The following SVEP1 variants were observed in gnomAD, a reference collection of about 807,000 sequenced individuals.
SVEP1 encodes the protein sushi, von Willebrand factor type A, EGF and pentraxin domain-containing protein 1.
SVEP1 carries 164 observed loss-of-function variants against 367.3 expected under a neutral mutation model. The observed-to-expected ratio is 0.45, with a 90% CI of 0.39 to 0.51. SVEP1 has a LOEUF of 0.51. Among genes scored for constraint, SVEP1 ranks in the 20% least tolerant of loss-of-function variants. The pLI is 0.00. For missense variants in SVEP1, 4,117 were observed against 4,425.3 expected (o/e 0.93, Z 1.98); for synonymous variants, 1,666 against 1,611.6 (o/e 1.03, Z -0.81).
chr9:110,508,206 T>C (rs544744441), intron 5 of SVEP1, among the ~76,000 whole-genome samples: 4 of 152,154 alleles, frequency 2.6e-5, no homozygotes, highest in Admixed American at 1.3e-4. Flanking sequence ...TTTTAGAAAA[T>C]AGCAACTTAG....
chr9:110,449,155 T>A (rs1282480855), intron 24 of SVEP1, among the ~76,000 whole-genome samples: 1 of 152,186 alleles, frequency 6.6e-6, no homozygotes, highest in Non-Finnish European at 1.5e-5. Flanking sequence ...AATGGGATAG[T>A]CTTGATAATG....
In SVEP1 at chr9:110,385,866, C is replaced by T. The variant is rs114537741; in HGVS notation, c.10237+32G>A. The T allele has an allele frequency of 8.4e-4, 1,337 of 1,597,796 alleles. 4 individuals are homozygous for T. In the African/African-American group the frequency reaches 0.015, roughly 18 times the overall value. ...GGGATGGGAAAACATTTCGCACTAG[C>T]GGCATGAACTGGCTTCCGCCTGCTG... On this transcript the variant is annotated intron_variant, in intron 43 of 47. Transcript: ENST00000374469.
chr9:110,381,165 AATTG>A (rs937255906), intron 43 of SVEP1, among the ~76,000 whole-genome samples: 21 of 151,708 alleles, frequency 1.4e-4, no homozygotes, highest in African/African-American at 4.3e-4. Context: ...CTCCTTGATT[AATTG>A]ATTGTTTTGA....
chr9:110,495,576 C>T (rs907756643), intron 8 of SVEP1, among the ~76,000 whole-genome samples: 16 of 152,124 alleles, frequency 1.1e-4, no homozygotes, highest in African/African-American at 3.9e-4. Flanking sequence ...ACACAATGAT[C>T]GGAACAGCTA....
At chr9:110,536,893 A>G (rs926341109) in intron 3 of SVEP1, among the ~76,000 whole-genome samples, 6 of 151,964 alleles carry the variant, frequency 3.9e-5, no homozygotes, top group Admixed American at 2.6e-4. Context: ...TCCAGAACTT[A>G]TTCATCTTGC....
At chr9:110,527,330 A>G (rs1829951479) in intron 3 of SVEP1, among the ~76,000 whole-genome samples, 2 of 152,114 alleles carry the variant, frequency 1.3e-5, no homozygotes, top group Non-Finnish European at 2.9e-5. Flanking sequence ...ACAGGGAAGG[A>G]AAATTTCAAG....
intron 3 of SVEP1, among the ~76,000 whole-genome samples, chr9:110,528,148 GTGTGTGTGTA>G (rs1321752041): frequency 5.3e-4 from 17 of 31,892 alleles, no homozygotes; most frequent in East Asian, 2.0e-3. Flanking sequence ...GTGTGTGTGT[GTGTGTGTGTA>G]TATATATATA....
intron 3 of SVEP1, among the ~76,000 whole-genome samples, chr9:110,526,296 T>G (rs1588093002): frequency 2.0e-5 from 3 of 152,092 alleles, no homozygotes; most frequent in Admixed American, 2.0e-4. Context: ...ATAGGACTAG[T>G]ATGTAGACTA....
chr9:110,502,010 C>T (rs1401127711), intron 6 of SVEP1, among the ~76,000 whole-genome samples: 1 of 151,726 alleles, frequency 6.6e-6, no homozygotes, highest in East Asian at 1.9e-4. Flanking sequence ...TAATAATTGT[C>T]AGGTTGACAA....
At chr9:110,427,971 A>G (rs1481249277) in intron 35 of SVEP1, among the ~76,000 whole-genome samples, 2 of 152,190 alleles carry the variant, frequency 1.3e-5, no homozygotes. Context: ...AAACAATATA[A>G]CAACAGTAAT....
At chr9:110,525,506 T>G (rs1042910497) in intron 3 of SVEP1, among the ~76,000 whole-genome samples, 2 of 152,186 alleles carry the variant, frequency 1.3e-5, no homozygotes, top group Non-Finnish European at 2.9e-5. Flanking sequence ...CCATCATTAA[T>G]ATGCAGATAT....
intron 9 of SVEP1, among the ~76,000 whole-genome samples, chr9:110,486,917 T>C (rs1829287438): frequency 6.6e-6 from 1 of 150,992 alleles, no homozygotes; most frequent in African/African-American, 2.4e-5. Context: ...TGTGCTGGGA[T>C]TACAGGTGTG....
intron 14 of SVEP1, among the ~76,000 whole-genome samples, chr9:110,473,893 T>A (rs1056786235): frequency 6.6e-6 from 1 of 152,226 alleles, no homozygotes; most frequent in Non-Finnish European, 1.5e-5. Flanking sequence ...CCTCTTAATT[T>A]CTTTCTATAC....
chr9:110,434,467 G>GGCA lies in SVEP1; in HGVS notation c.4927_4928insTGC (p.Thr1643delinsMetPro). The GGCA allele has an allele frequency of 6.2e-7, 1 of 1,613,430 alleles. No individual in the cohort carries two copies. The highest frequency in any genetic ancestry group is 2.2e-5 in the East Asian group (1 of 44,860). ...ACCTGGCTTTAAATCTTCAGATGCA[G>GGCA]TTCTCAGATGAGGCACTGACCCTCC... is the stretch of plus-strand genomic sequence containing the variant. On this transcript the variant is annotated protein_altering_variant, in exon 30 of 48. Transcript: ENST00000374469.
At chr9:110,442,500 G>A (rs1350008885) in intron 27 of SVEP1, 2 of 124,454 alleles carry the variant, frequency 1.6e-5, no homozygotes, top group African/African-American at 6.1e-5. Context: ...TCTCTCCATT[G>A]CCCAGGCTGG....
At chr9:110,500,287 T>C (rs2118748695) in intron 6 of SVEP1, among the ~76,000 whole-genome samples, 1 of 152,296 alleles carries the variant, frequency 6.6e-6, no homozygotes, top group East Asian at 1.9e-4. Flanking sequence ...AAAGCCAAAT[T>C]TGTGGTTCGA....
At chr9:110,450,320 C>G in intron 23 of SVEP1, 60 bp from the exon 24 acceptor site, 1 of 1,530,282 alleles carries the variant, frequency 6.5e-7, no homozygotes, top group Middle Eastern at 1.9e-4. Flanking sequence ...AACACTGTAA[C>G]TAAAGTGTTG....
intron 22 of SVEP1, among the ~76,000 whole-genome samples, chr9:110,451,643 A>AT (rs1211399206): frequency 2.0e-5 from 3 of 151,860 alleles, no homozygotes; most frequent in East Asian, 1.9e-4. Context: ...ATCTGACCAT[A>AT]TTTTTTTTAG....
intron 41 of SVEP1, among the ~76,000 whole-genome samples, chr9:110,387,805 T>C (rs896581839): frequency 6.6e-6 from 1 of 152,178 alleles, no homozygotes; most frequent in Middle Eastern, 3.2e-3. Flanking sequence ...ATACTAAATT[T>C]ATTTCTTACA....
Sources: gnomAD v4.1 joint callset for allele counts (sites outside exome capture counted in the v4.1 genomes callset) on GRCh38, gnomAD v4.1.1 for gene constraint, MANE v1.5 for transcripts, NCBI Gene and HGNC (gene_info 2026-07-23, HGNC 2026-07-21) for gene names.